The following RFC4 variants were observed in gnomAD, a reference collection of about 807,000 sequenced individuals.
The protein encoded by RFC4 is A1 37 kDa subunit.
A neutral mutation model predicts 47.6 loss-of-function variants in RFC4; 38 were observed. That is an observed-to-expected ratio of 0.80 (90% CI 0.62 to 1.05). The LOEUF is 1.05. Ranked by LOEUF, RFC4 falls within the 50% of genes least tolerant of loss-of-function variation. The pLI, the probability that RFC4 is intolerant of heterozygous loss-of-function variation, is 0.00. For missense variants in RFC4, 489 were observed against 434.0 expected (o/e 1.13, Z -1.13); for synonymous variants, 164 against 150.0 (o/e 1.09, Z -0.68).
At position 186,793,075 on chromosome 3, in the gene RFC4, T is replaced by A; in HGVS notation, c.411-128A>T. 1 of 810,014 alleles carries A rather than the reference T, an allele frequency of 1.2e-6. No homozygotes were observed. Among genetic ancestry groups the A allele is most frequent in the Non-Finnish European group, 1.9e-6 (1 of 536,052 alleles). 50.2% of individuals were successfully genotyped at this position (810,014 alleles called of 1,614,324 possible). ...TACAATTCAGTGTTTTTCTGTATGT[T>A]CACAAAGTTGTGCAACCATTACCAC... On this transcript the variant is annotated intron_variant, in intron 5 of 10. Coordinates refer to ENST00000296273, the MANE Select transcript of RFC4 (RefSeq NM_002916.5). The surrounding 1 kb of genome is among the most constrained non-coding windows in gnomAD (Gnocchi z 4.2).
intron 8 of RFC4, chr3:186,791,475 AAAAAAAAC>A (rs1169328018): frequency 4.5e-6 from 2 of 443,674 alleles, no homozygotes; most frequent in South Asian, 2.2e-5. Flanking sequence ...GTCTCAAAAA[AAAAAAAAC>A]AAAAAAACTA....
Position 186,792,788 on chromosome 3 carries a change from A to T in RFC4, c.554+16T>A, listed in dbSNP as rs760516267. The T allele has an allele frequency of 6.3e-7, 1 of 1,597,820 alleles. No homozygotes were observed. The highest frequency in any genetic ancestry group is 1.3e-5 in the African/African-American group (1 of 74,168). ...ATAAGGCTGCCTAGCATCTGTCTTCAGGGCAATATACATACCGACTGACAT... is the reference window on the plus strand; with the variant it reads ...ATAAGGCTGCCTAGCATCTGTCTTCTGGGCAATATACATACCGACTGACAT... On this transcript the variant is annotated intron_variant, in intron 6 of 10. Coordinates refer to ENST00000296273, the MANE Select transcript of RFC4 (RefSeq NM_002916.5).
Position 186,794,671 on chromosome 3 carries a change from C to T in RFC4, c.397G>A (p.Gly133Arg). ...AAATTTACTTACTCTGAGCGACTTC[C>T]TGACACAGTTAATTGAGCAAAATTT... The part of the protein sequence containing the change: ...VKNFAQLTVS[G>R]SRSDGKPCPP... Residue 133 changes from glycine to arginine, a missense_variant, in exon 5 of 11, where the codon GGA (glycine) becomes AGA (arginine). By Grantham distance (125) the Gly-to-Arg change is moderately radical. Transcript: ENST00000296273. The T allele has an allele frequency of 6.2e-7, 1 of 1,613,940 alleles. No homozygotes were observed. The highest frequency in any genetic ancestry group is 1.1e-5 in the South Asian group (1 of 91,024).
intron 4 of RFC4, 170 bp from the exon 5 acceptor site, chr3:186,794,947 T>C (rs1722213830): frequency 3.0e-6 from 2 of 676,818 alleles, no homozygotes; most frequent in Non-Finnish European, 4.8e-6. Flanking sequence ...AGTTAACATT[T>C]TGGCTTTTTT....
chr3:186,803,856 T>G (rs1722416739), intron 2 of RFC4, among the ~76,000 whole-genome samples: 1 of 152,014 alleles, frequency 6.6e-6, no homozygotes, highest in Non-Finnish European at 1.5e-5. Context: ...ATTCAAGTGT[T>G]GTTTGGACAA....
chr3:186,800,584 A>G (rs1280078926), intron 3 of RFC4, among the ~76,000 whole-genome samples: 1 of 152,210 alleles, frequency 6.6e-6, no homozygotes, highest in Non-Finnish European at 1.5e-5. Flanking sequence ...ATAATTTACA[A>G]TGCAAGTTAT....
chr3:186,792,450 G>A, intron 7 of RFC4, 40 bp downstream of exon 7: 1 of 1,568,960 alleles, frequency 6.4e-7, no homozygotes, highest in Non-Finnish European at 8.8e-7. Context: ...ATTCATCAAA[G>A]GAATTAGTAA....
In RFC4 at chr3:186,789,929, C is replaced by T. The variant is rs1363122003; in HGVS notation, c.*40G>A. ...TTTGGTCATTTTATTTTTATTACAA[C>T]TTCATTATTTACAAAACCCCCCATC... is the stretch of plus-strand genomic sequence containing the variant. On this transcript the variant is annotated 3_prime_UTR_variant, in exon 11 of 11. Transcript: ENST00000296273. The T allele has an allele frequency of 6.4e-6, 8 of 1,257,778 alleles. No individual in the cohort carries two copies. The highest frequency in any genetic ancestry group is 1.3e-5 in the South Asian group (1 of 78,718). The allele number at this position is 1,257,778 out of a possible 1,614,324, so 77.9% of individuals were successfully genotyped here.
intron 3 of RFC4, among the ~76,000 whole-genome samples, chr3:186,798,112 AGAAAT>A (rs1722278980): frequency 6.6e-6 from 1 of 152,198 alleles, no homozygotes; most frequent in South Asian, 2.1e-4. Context: ...TACCAAGAAC[AGAAAT>A]ATTAACAAAA....
chr3:186,796,678 C>T lies in RFC4; in HGVS notation c.290+857G>A, dbSNP rs1297033106. On this transcript the variant is annotated intron_variant, in intron 4 of 10. Transcript: ENST00000296273. The surrounding 1 kb of genome is among the most constrained non-coding windows in gnomAD (Gnocchi z 4.2). ...TATTTTTAGTAGAGATGGGGTTTCA[C>T]CATGTTGGCCAGGCTGGTTTCGAAC... Among the ~76,000 whole-genome samples the T allele has an allele frequency of 6.6e-6, 1 of 152,142 alleles. No homozygotes were observed. Among genetic ancestry groups the T allele is most frequent in the African/African-American group, 2.4e-5 (1 of 41,430 alleles).
intron 3 of RFC4, among the ~76,000 whole-genome samples, chr3:186,800,143 G>A (rs997083056): frequency 6.6e-6 from 1 of 152,056 alleles, no homozygotes; most frequent in African/African-American, 2.4e-5. Context: ...TTTTGGTAGA[G>A]ATGGGGTTTC....
At chr3:186,794,525 T>C in intron 5 of RFC4, 133 bp downstream of exon 5, 3 of 846,344 alleles carry the variant, frequency 3.5e-6, no homozygotes, top group Non-Finnish European at 5.5e-6. Context: ...TCAGGCAGGA[T>C]AGTCTTCTAA....
intron 8 of RFC4, 197 bp downstream of exon 8, chr3:186,791,528 C>T: frequency 1.7e-6 from 1 of 589,312 alleles, no homozygotes; most frequent in Non-Finnish European, 3.1e-6. Context: ...CCTGAAATGT[C>T]TGTTACATGC....
At chr3:186,803,213 C>T (rs1045088478) in intron 2 of RFC4, among the ~76,000 whole-genome samples, 5 of 151,920 alleles carry the variant, frequency 3.3e-5, no homozygotes, top group African/African-American at 1.2e-4. Flanking sequence ...TGTGGTGGGG[C>T]ATGTCTGTAA....
At position 186,789,941 on chromosome 3, in the gene RFC4, CAA is replaced by C; in HGVS notation, c.*26_*27del. The C allele has an allele frequency of 1.5e-6, 2 of 1,374,968 alleles. No individual in the cohort carries two copies. The highest frequency in any genetic ancestry group is 2.1e-6 in the Non-Finnish European group (2 of 973,744). The allele number at this position is 1,374,968 out of a possible 1,614,324, so 85.2% of individuals were successfully genotyped here. On this transcript the variant is annotated 3_prime_UTR_variant, in exon 11 of 11. Transcript: ENST00000296273. ...ATTTTTATTACAACTTCATTATTTA[CAA>C]AACCCCCCATCCAGATATATTCACG...
At position 186,790,053 on chromosome 3, in the gene RFC4, T is replaced by G; in HGVS notation, c.1008A>C (p.Lys336Asn). 6.2e-7 allele frequency: 1 copy of G among 1,613,424 alleles called. No individual in the cohort carries two copies. ...IITEKLAEVD[K>N]CLADGADEHL... is the part of the protein sequence containing the mutation. ...GTTCATCAGCACCATCTGCTAGGCA[T>G]TTGTCAACTTCCTACGAGAAAAATT... The change falls in exon 11 of 11, where the codon AAA (lysine) becomes AAC (asparagine). Residue 336 changes from lysine (K) to asparagine (N), a missense_variant. Coordinates refer to ENST00000296273, the MANE Select transcript of RFC4 (RefSeq NM_002916.5).
Position 186,793,312 on chromosome 3 carries a change from A to C in RFC4, c.411-365T>G, listed in dbSNP as rs571238363. On this transcript the variant is annotated intron_variant, in intron 5 of 10. Transcript: ENST00000296273. The surrounding 1 kb of genome is among the most constrained non-coding windows in gnomAD (Gnocchi z 4.2). ...TCCACTTAACATATTTTAAAGGTTC[A>C]TCCATATTGTAGCATGTGTTTGCGT... Among the ~76,000 whole-genome samples the C allele has an allele frequency of 7.2e-5, 11 of 152,244 alleles. No individual in the cohort carries two copies. The highest frequency in any genetic ancestry group is 1.2e-4 in the Non-Finnish European group (8 of 68,038).
intron 3 of RFC4, among the ~76,000 whole-genome samples, chr3:186,799,970 T>A (rs1361494987): frequency 1.3e-5 from 2 of 152,178 alleles, no homozygotes; most frequent in Non-Finnish European, 2.9e-5. Flanking sequence ...TATTTATTTT[T>A]GAGACCAGAG....
Position 186,792,495 on chromosome 3 carries a change from C to T in RFC4, c.670G>A (p.Asp224Asn), listed in dbSNP as rs751091873. 1.9e-5 allele frequency: 30 copies of T among 1,607,870 alleles called. No individual in the cohort carries two copies. In the Middle Eastern group the frequency reaches 8.3e-4, roughly 44 times the overall value. The change falls in exon 7 of 11, where the codon GAT becomes AAT. Residue 224 changes from aspartate (D) to asparagine (N), a missense_variant. By Grantham distance (23) the Asp-to-Asn change is conservative. Coordinates refer to ENST00000296273, the MANE Select transcript of RFC4 (RefSeq NM_002916.5). ...TTGTAATAATTAGTAATTACCTCAT[C>T]ACTAATTTTGACATTTTCCTTCTTG... ...IAKKENVKIS[D>N]EGIAYLVKVS...
Sources: allele counts gnomAD v4.1 joint callset (sites outside exome capture counted in the v4.1 genomes callset), GRCh38; gene constraint gnomAD v4.1.1; non-coding constraint Gnocchi (gnomAD v3.1); transcripts MANE v1.5; gene names NCBI Gene and HGNC (gene_info 2026-07-23, HGNC 2026-07-21).